Variants in CPPED1 observed in about 807,000 individuals in gnomAD.
CPPED1 encodes serine/threonine-protein phosphatase CPPED1.
In CPPED1, 28 loss-of-function variants were observed where a neutral mutation model predicts 28.0. That is an observed-to-expected ratio of 1.00 (90% confidence interval 0.74 to 1.37). The LOEUF is 1.37. CPPED1 is among the 40% of genes most tolerant of loss of function. The probability of loss-of-function intolerance (pLI) is 0.00; values close to 1 mark genes in which losing one functional copy is unlikely to be tolerated. For missense variants in CPPED1, 504 were observed against 416.5 expected, an observed-to-expected ratio of 1.21 and a Z score of -1.83; for synonymous variants, 198 against 180.2, an observed-to-expected ratio of 1.10 and a Z score of -0.79.
chr16:12,736,621 T>C (rs1469713964), intron 2 of CPPED1, among the ~76,000 whole-genome samples: 2 of 152,114 alleles, frequency 1.3e-5, no homozygotes, highest in Non-Finnish European at 2.9e-5. Context: ...TAGAAGTGAA[T>C]ACAAAGAAAA....
At chr16:12,771,841 G>T (rs2080471952) in intron 2 of CPPED1, among the ~76,000 whole-genome samples, 1 of 152,142 alleles carries the variant, frequency 6.6e-6, no homozygotes, top group African/African-American at 2.4e-5. Flanking sequence ...TCCCAGTGGG[G>T]GTCAGGCATG....
At chr16:12,755,281 C>CTTT (rs35135598) in intron 2 of CPPED1, among the ~76,000 whole-genome samples, 17,304 of 128,672 alleles carry the variant, frequency 0.13, 1,499 homozygotes, top group Admixed American at 0.16. Flanking sequence ...AGTATGCATT[C>CTTT]TTTTTTTTTT....
At chr16:12,803,234 T>G (rs1488036900) in intron 1 of CPPED1, among the ~76,000 whole-genome samples, 1 of 152,184 alleles carries the variant, frequency 6.6e-6, no homozygotes, top group Admixed American at 6.5e-5. Flanking sequence ...GTGAATGACT[T>G]AAATAAACGT....
rs1410719324 is a variant in CPPED1, at chr16:12,781,171, G to C, written c.289+14C>G. ...TGAAGGAGAAAAGGTCACAAGCGAT[G>C]ACCCGAGTCTTACCTGGCATGGCGT... is the stretch of plus-strand genomic sequence containing the variant. On this transcript the variant is annotated intron_variant, in intron 2 of 3. Coordinates refer to ENST00000381774, the MANE Select transcript of CPPED1 (RefSeq NM_018340.3). 1 of 1,606,792 alleles carries C rather than the reference G, an allele frequency of 6.2e-7. No individual in the cohort carries two copies. The highest frequency in any genetic ancestry group is 2.2e-5 in the East Asian group (1 of 44,560).
chr16:12,685,061 G>A (rs1188830663), intron 3 of CPPED1, among the ~76,000 whole-genome samples: 3 of 152,214 alleles, frequency 2.0e-5, no homozygotes, highest in Admixed American at 1.3e-4. Context: ...AGTGGAACGA[G>A]CACCGACTCT....
chr16:12,774,932 C>T (rs1050029018), intron 2 of CPPED1, among the ~76,000 whole-genome samples: 5 of 152,084 alleles, frequency 3.3e-5, no homozygotes, highest in East Asian at 1.9e-4. Context: ...GCAATCCTCT[C>T]GCCTCAGCCT....
rs367854825 is a variant in CPPED1, at chr16:12,772,495, T to C, written c.289+8690A>G. The stretch of plus-strand genomic sequence containing the variant: ...CCTAAGTGGATTATTCTGCTTTATC[T>C]ATAGCAAATATCACTTTTGTGCATG... On this transcript the variant is annotated intron_variant, in intron 2 of 3. Coordinates refer to ENST00000381774, the MANE Select transcript of CPPED1 (RefSeq NM_018340.3). Among the ~76,000 whole-genome samples, 4 of 152,242 alleles carry C rather than the reference T, an allele frequency of 2.6e-5. No homozygotes were observed. The East Asian group carries it at 7.7e-4, about 29-fold the overall frequency.
intron 2 of CPPED1, among the ~76,000 whole-genome samples, chr16:12,730,766 C>T (rs185955861): frequency 6.2e-4 from 95 of 152,302 alleles, no homozygotes; most frequent in African/African-American, 2.0e-3. Flanking sequence ...GGTGACAGAA[C>T]GTTGACTGAC....
chr16:12,734,344 A>G (rs1240909024), intron 2 of CPPED1, among the ~76,000 whole-genome samples: 1 of 151,516 alleles, frequency 6.6e-6, no homozygotes, highest in Admixed American at 6.6e-5. Context: ...TGCTGGAATT[A>G]CAGGCATGAG....
intron 2 of CPPED1, among the ~76,000 whole-genome samples, chr16:12,739,618 T>C (rs1232392650): frequency 6.6e-6 from 1 of 152,162 alleles, no homozygotes; most frequent in African/African-American, 2.4e-5. Context: ...ACACTGGGGC[T>C]GCAAGAGTGG....
Position 12,803,802 on chromosome 16 carries a change from T to G in CPPED1, c.-26A>C, listed in dbSNP as rs2080676805. The stretch of plus-strand genomic sequence containing the variant: ...GGCGAGCGAGTTTCTGGCCTTCACT[T>G]AGAACACTGCGTGGGTGGAAGCCGC... On this transcript the variant is annotated 5_prime_UTR_variant, in exon 1 of 4. Transcript: ENST00000381774. The G allele has an allele frequency of 6.3e-7, 1 of 1,590,694 alleles. No individual in the cohort carries two copies. Among genetic ancestry groups the G allele is most frequent in the Non-Finnish European group, 8.5e-7 (1 of 1,169,724 alleles).
intron 2 of CPPED1, chr16:12,753,180 A>C (rs1596471966): frequency 6.6e-6 from 1 of 152,148 alleles, no homozygotes; most frequent in Non-Finnish European, 1.5e-5. Flanking sequence ...CTATGGACTG[A>C]ATGTTTGTGT....
chr16:12,704,681 A>C lies in CPPED1; in HGVS notation c.658T>G (p.Tyr220Asp). The change falls in exon 3 of 4, where the codon TAC becomes GAC. Residue 220 changes from tyrosine to aspartate, a missense_variant. Transcript: ENST00000381774. ...CGAGTGGACTTGCTGAGGTTGAAGT[A>C]GTAGTCGTCGTCCTCGTCGATGCTC... ...LESIDEDDDY[Y>D]FNLSKSTRKK... 2 of 1,614,178 alleles carry C rather than the reference A, an allele frequency of 1.2e-6. No individual in the cohort carries two copies. The highest frequency in any genetic ancestry group is 1.7e-6 in the Non-Finnish European group (2 of 1,180,006).
intron 2 of CPPED1, among the ~76,000 whole-genome samples, chr16:12,761,581 A>G (rs2080410166): frequency 6.6e-6 from 1 of 152,134 alleles, no homozygotes; most frequent in Non-Finnish European, 1.5e-5. Flanking sequence ...ATCAATCAGG[A>G]AAAATGGTGT....
intron 3 of CPPED1, among the ~76,000 whole-genome samples, chr16:12,694,646 C>A (rs1286280337): frequency 7.4e-6 from 1 of 135,482 alleles, no homozygotes; most frequent in Non-Finnish European, 1.5e-5. Flanking sequence ...AAGACTAAAT[C>A]TGAGGAAATA....
chr16:12,721,570 T>C (rs1023371263), intron 2 of CPPED1, among the ~76,000 whole-genome samples: 1 of 152,020 alleles, frequency 6.6e-6, no homozygotes, highest in Non-Finnish European at 1.5e-5. Context: ...CTGACCAACA[T>C]GGTGAAACCT....
In CPPED1 at chr16:12,699,447, C is replaced by A. The variant is rs552726605; in HGVS notation, c.715+5177G>T. On this transcript the variant is annotated intron_variant, in intron 3 of 3. Coordinates refer to ENST00000381774, the MANE Select transcript of CPPED1 (RefSeq NM_018340.3). The stretch of plus-strand genomic sequence containing the variant: ...TTCACACAGCACACCCCTCCACTCC[C>A]GGTGGTCCACTGCACAGTGACACCC... Among the ~76,000 whole-genome samples the A allele has an allele frequency of 3.3e-5, 5 of 152,212 alleles. No individual in the cohort carries two copies. In the East Asian group the frequency reaches 9.7e-4, roughly 29 times the overall value.
intron 3 of CPPED1, among the ~76,000 whole-genome samples, chr16:12,667,562 T>A (rs182986893): frequency 2.6e-5 from 4 of 152,312 alleles, no homozygotes; most frequent in Admixed American, 2.6e-4. Flanking sequence ...GAGATCAGCC[T>A]GGGCAATGTA....
chr16:12,763,775 C>T (rs1164186183), intron 2 of CPPED1, among the ~76,000 whole-genome samples: 1 of 152,126 alleles, frequency 6.6e-6, no homozygotes, highest in Non-Finnish European at 1.5e-5. Context: ...GTATGGACTC[C>T]AGGAGGGGCC....
Sources: allele counts gnomAD v4.1 joint callset (sites outside exome capture counted in the v4.1 genomes callset), GRCh38; gene constraint gnomAD v4.1.1; transcripts MANE v1.5; gene names NCBI Gene and HGNC (gene_info 2026-07-23, HGNC 2026-07-21).